Variants in ACER2 observed in about 807,000 individuals in gnomAD.
The protein encoded by ACER2 is alkCDase 2.
In ACER2, 26 loss-of-function variants were observed where a neutral mutation model predicts 34.7. That is an observed-to-expected ratio of 0.75 (90% CI 0.55 to 1.04). The LOEUF is 1.04. Among genes scored for constraint, ACER2 ranks in the 50% least tolerant of loss-of-function variants. The pLI, the probability that ACER2 is intolerant of heterozygous loss-of-function variation, is 0.00. For missense variants in ACER2, 352 were observed against 340.8 expected (o/e 1.03, Z -0.26); for synonymous variants, 138 against 132.1 (o/e 1.04, Z -0.31).
intron 1 of ACER2, among the ~76,000 whole-genome samples, chr9:19,420,911 C>G (rs757849615): frequency 1.3e-5 from 2 of 152,134 alleles, no homozygotes; most frequent in Non-Finnish European, 2.9e-5. Flanking sequence ...GGCCTCACCT[C>G]TTAGTACAGT....
At chr9:19,418,682 C>T (rs775322539) in intron 1 of ACER2, among the ~76,000 whole-genome samples, 17 of 152,056 alleles carry the variant, frequency 1.1e-4, no homozygotes, top group African/African-American at 2.4e-4. Context: ...CATCACACAC[C>T]GGGGCCTTTT....
At chr9:19,411,790 C>T (rs1425237995) in intron 1 of ACER2, among the ~76,000 whole-genome samples, 1 of 152,168 alleles carries the variant, frequency 6.6e-6, no homozygotes, top group African/African-American at 2.4e-5. Context: ...GGATCTAGAA[C>T]CTTCTTAATG....
intron 3 of ACER2, among the ~76,000 whole-genome samples, chr9:19,428,097 T>C (rs200760999): frequency 1.3e-5 from 2 of 148,990 alleles, no homozygotes; most frequent in Admixed American, 6.8e-5. Context: ...CTCTCTCTCT[T>C]TCTTTCTCTT....
chr9:19,448,268 G>T (rs998285199), intron 5 of ACER2, among the ~76,000 whole-genome samples: 1 of 152,000 alleles, frequency 6.6e-6, no homozygotes, highest in Non-Finnish European at 1.5e-5. Context: ...CCTGCCTTGG[G>T]CTCCCAAAGT....
chr9:19,432,056 G>A (rs1271534852), intron 3 of ACER2, among the ~76,000 whole-genome samples: 2 of 152,194 alleles, frequency 1.3e-5, no homozygotes, highest in African/African-American at 4.8e-5. Context: ...ATAAGGAAAT[G>A]GGTCCCAGGG....
intron 1 of ACER2, among the ~76,000 whole-genome samples, chr9:19,419,301 T>C (rs976925084): frequency 2.6e-5 from 4 of 152,228 alleles, no homozygotes; most frequent in Non-Finnish European, 4.4e-5. Context: ...ACATTTCTTT[T>C]CTTTTTCTTT....
chr9:19,433,571 G>A (rs1830832268), intron 3 of ACER2, among the ~76,000 whole-genome samples: 1 of 152,208 alleles, frequency 6.6e-6, no homozygotes, highest in African/African-American at 2.4e-5. Flanking sequence ...CACAGACACG[G>A]CAACCATCCG....
intron 1 of ACER2, among the ~76,000 whole-genome samples, chr9:19,423,269 A>T (rs1043886321): frequency 1.3e-5 from 2 of 152,258 alleles, no homozygotes; most frequent in African/African-American, 4.8e-5. Flanking sequence ...GTTAATAAGA[A>T]TAAGAGAGGA....
Position 19,409,877 on chromosome 9 carries a change from G to T in ACER2, c.108+685G>T, listed in dbSNP as rs971688622. The T allele has an allele frequency of 2.0e-5, 20 of 985,254 alleles. No individual in the cohort carries two copies. The Admixed American group carries it at 2.5e-4, about 12-fold the overall frequency. 61.0% of individuals were successfully genotyped at this position (985,254 alleles called of 1,614,324 possible). On this transcript the variant is annotated intron_variant, in intron 1 of 5. Transcript: ENST00000340967. ...GGAAAGTTTGGGAGTGATAATGTGC[G>T]GGTTTTGGATTTGCCTAGGTCCCTA...
chr9:19,435,386 C>G (rs16937510), intron 4 of ACER2, among the ~76,000 whole-genome samples: 10,184 of 152,098 alleles, frequency 0.067, 913 homozygotes, highest in African/African-American at 0.2. Context: ...AAAGAAAAGT[C>G]CTAGAAAGGT....
At chr9:19,411,293 G>C (rs1337093258) in intron 1 of ACER2, among the ~76,000 whole-genome samples, 2 of 152,212 alleles carry the variant, frequency 1.3e-5, no homozygotes, top group Non-Finnish European at 2.9e-5. Flanking sequence ...GCAAAGCAGA[G>C]AGCGTAAGGT....
chr9:19,448,441 A>G (rs1831447209), intron 5 of ACER2, among the ~76,000 whole-genome samples: 1 of 152,212 alleles, frequency 6.6e-6, no homozygotes, highest in Admixed American at 6.5e-5. Flanking sequence ...CATAATATGG[A>G]CACTTTATAA....
rs558747950 is a variant in ACER2 at position 19,433,732 on chromosome 9, C to G, written c.366-1215C>G. Among the ~76,000 whole-genome samples the G allele has an allele frequency of 2.6e-3, 396 of 150,518 alleles. 2 individuals are homozygous for G. The highest frequency in any genetic ancestry group is 0.018 in the South Asian group (86 of 4,732). ...CTCCTCACTTCCCAGTAGGGGCGGC[C>G]GGGCAGAGGCACCCCTCACCTCCCG... On this transcript the variant is annotated intron_variant, in intron 3 of 5. Coordinates refer to ENST00000340967, the MANE Select transcript of ACER2 (RefSeq NM_001010887.3).
intron 1 of ACER2, among the ~76,000 whole-genome samples, chr9:19,412,877 C>A: frequency 6.6e-6 from 1 of 152,078 alleles, no homozygotes; most frequent in South Asian, 2.1e-4. Context: ...TCTAATCAAT[C>A]CTTATTGATG....
chr9:19,431,437 A>G (rs1830750341), intron 3 of ACER2, among the ~76,000 whole-genome samples: 1 of 152,156 alleles, frequency 6.6e-6, no homozygotes, highest in South Asian at 2.1e-4. Flanking sequence ...GGGTACAGAG[A>G]GGTGATGCAC....
At chr9:19,425,152 A>G (rs1168205825) in intron 3 of ACER2, among the ~76,000 whole-genome samples, 1 of 152,220 alleles carries the variant, frequency 6.6e-6, no homozygotes, top group African/African-American at 2.4e-5. Flanking sequence ...CTGAATGCTT[A>G]TTCAATACTC....
chr9:19,432,360 T>C (rs1830782081), intron 3 of ACER2, among the ~76,000 whole-genome samples: 1 of 152,154 alleles, frequency 6.6e-6, no homozygotes, highest in Non-Finnish European at 1.5e-5. Flanking sequence ...TGGTCTCTGT[T>C]TTACTTATGA....
chr9:19,421,779 G>GA (rs147335702), intron 1 of ACER2, among the ~76,000 whole-genome samples: 216 of 149,684 alleles, frequency 1.4e-3, no homozygotes, highest in Admixed American at 3.8e-3. Context: ...TTAAAGTTCA[G>GA]AAAAAAAAAG....
At chr9:19,410,468 G>C (rs1830054563) in intron 1 of ACER2, among the ~76,000 whole-genome samples, 1 of 152,170 alleles carries the variant, frequency 6.6e-6, no homozygotes, top group Non-Finnish European at 1.5e-5. Context: ...CTAGCACTTT[G>C]GGAGGCCAAG....
Sources: allele counts gnomAD v4.1 joint callset (sites outside exome capture counted in the v4.1 genomes callset), GRCh38; gene constraint gnomAD v4.1.1; transcripts MANE v1.5; gene names NCBI Gene and HGNC (gene_info 2026-07-23, HGNC 2026-07-21).